The following SOD2 variants were observed in gnomAD, a reference collection of about 807,000 sequenced individuals.
SOD2 encodes the protein superoxide dismutase [Mn], mitochondrial.
Under a neutral mutation model 27.0 loss-of-function variants are expected in SOD2, and 11 were observed. The observed-to-expected ratio is 0.41, with a 90% CI of 0.26 to 0.67. SOD2 has a LOEUF of 0.67. Among genes scored for constraint, SOD2 ranks in the 30% least tolerant of loss-of-function variants. The pLI, the probability that SOD2 is intolerant of heterozygous loss-of-function variation, is 0.34. For synonymous variants in SOD2, 105 were observed against 103.0 expected, an observed-to-expected ratio of 1.02 and a Z score of -0.12; for missense variants, 250 against 274.5, an observed-to-expected ratio of 0.91 and a Z score of 0.63.
intron 1 of SOD2, among the ~76,000 whole-genome samples, chr6:159,739,746 A>G (rs1047810895): frequency 1.4e-5 from 2 of 147,516 alleles, no homozygotes; most frequent in African/African-American, 5.0e-5. Flanking sequence ...GCTAACACAG[A>G]TTTTGTTGTT....
At chr6:159,730,598 T>C (rs530543362), upstream of SOD2, among the ~76,000 whole-genome samples, 6 of 152,256 alleles carry the variant, frequency 3.9e-5, no homozygotes, top group East Asian at 1.2e-3. Context: ...TTTTGCCAGA[T>C]GGCGCATTTA....
intron 2 of SOD2, among the ~76,000 whole-genome samples, chr6:159,690,421 C>A (rs868654056): frequency 3.3e-5 from 5 of 151,820 alleles, no homozygotes; most frequent in Non-Finnish European, 7.4e-5. Context: ...CATAGTGTGA[C>A]CCCGTCTGTT....
At chr6:159,713,410 T>C (rs1211851934) in intron 1 of SOD2, 10 of 654,614 alleles carry the variant, frequency 1.5e-5, no homozygotes, top group Non-Finnish European at 2.2e-5. Context: ...CTGAGAGGGA[T>C]CATAGTAGGT....
chr6:159,726,334 G>A (rs1778168777), intron 1 of SOD2: 1 of 154,278 alleles, frequency 6.5e-6, no homozygotes, highest in Non-Finnish European at 1.4e-5. Flanking sequence ...ATTTTTGAGA[G>A]CTCTTGTGAT....
In SOD2 at chr6:159,761,947, G is replaced by A. The variant is rs775177847; in HGVS notation, c.-1246C>T. 49 of 990,584 alleles carry A rather than the reference G, an allele frequency of 4.9e-5. No individual in the cohort carries two copies. In the Admixed American group the frequency reaches 9.5e-4, roughly 19 times the overall value. 61.4% of individuals were successfully genotyped at this position (990,584 alleles called of 1,614,324 possible). On this transcript the variant is annotated 5_prime_UTR_variant, in exon 1 of 8. Coordinates refer to the SOD2 transcript ENST00000546087. ...CTTGCGCCTGCGCACAGTGGGATGC[G>A]CGGGGAGGTGGTGCGCGGGGAGGTG... is the stretch of plus-strand genomic sequence containing the variant.
intron 1 of SOD2, among the ~76,000 whole-genome samples, chr6:159,718,758 T>C (rs1416874810): frequency 2.0e-5 from 3 of 152,064 alleles, no homozygotes; most frequent in Non-Finnish European, 4.4e-5. Context: ...CAAACTAAGG[T>C]AAATAAATAA....
intron 1 of SOD2, among the ~76,000 whole-genome samples, chr6:159,710,979 A>G (rs564966843): frequency 8.4e-6 from 1 of 119,434 alleles, no homozygotes; most frequent in Admixed American, 8.1e-5. Flanking sequence ...AACCACCTCC[A>G]TAACCACCAC....
At chr6:159,708,740 G>A (rs1222261418) in intron 1 of SOD2, among the ~76,000 whole-genome samples, 1 of 152,164 alleles carries the variant, frequency 6.6e-6, no homozygotes, top group Non-Finnish European at 1.5e-5. Flanking sequence ...AGCTACCAAT[G>A]ACTTTCTTCA....
chr6:159,757,207 C>T (rs1228325720), intron 1 of SOD2, among the ~76,000 whole-genome samples: 1 of 152,122 alleles, frequency 6.6e-6, no homozygotes, highest in Admixed American at 6.5e-5. Flanking sequence ...AATTCCATTT[C>T]TGTTAAAAGC....
At chr6:159,688,023 C>CA in intron 3 of SOD2, 103 bp downstream of exon 3, 1 of 753,512 alleles carries the variant, frequency 1.3e-6, no homozygotes. Flanking sequence ...AAAAAAACAA[C>CA]AACAAAAAAA....
chr6:159,748,477 G>A (rs1779701263), upstream of SOD2: 3 of 1,506,998 alleles, frequency 2.0e-6, no homozygotes, highest in Non-Finnish European at 2.7e-6. The surrounding 1 kb of genome is among the most constrained non-coding windows in gnomAD (Gnocchi z 5.6). Context: ...CAGACTTTTT[G>A]AGCCAAAAAA....
Position 159,682,083 on chromosome 6 carries a change from G to A in SOD2, c.*410C>T, listed in dbSNP as rs5746134. On this transcript the variant is annotated 3_prime_UTR_variant, in exon 5 of 5. Transcript: ENST00000538183. The stretch of plus-strand genomic sequence containing the variant: ...AAAGTGCAATTTTCTATAGAAAGCC[G>A]AGTGTTTCCCTTGGGAAAGTGTTAA... The A allele has an allele frequency of 0.045, 6,865 of 153,914 alleles. 509 individuals carry two copies. Among genetic ancestry groups the A allele is most frequent in the African/African-American group, 0.16 (6,528 of 41,542 alleles). 9.5% of individuals were successfully genotyped at this position (153,914 alleles called of 1,614,324 possible).
chr6:159,733,870 C>A (rs563088696), intron 1 of SOD2, among the ~76,000 whole-genome samples: 1 of 152,110 alleles, frequency 6.6e-6, no homozygotes, highest in African/African-American at 2.4e-5. Flanking sequence ...GAGCCGAGAT[C>A]GCGCCGTTGC....
intron 4 of SOD2, among the ~76,000 whole-genome samples, chr6:159,683,449 C>T (rs941849647): frequency 6.6e-6 from 1 of 152,180 alleles, no homozygotes; most frequent in Non-Finnish European, 1.5e-5. Context: ...TGCGCCACTG[C>T]ACTCCAGCCT....
chr6:159,755,259 G>A, intron 1 of SOD2: 1 of 1,614,196 alleles, frequency 6.2e-7, no homozygotes, highest in East Asian at 2.2e-5. Context: ...CCAAGTAATG[G>A]TAGCTCCTCC....
In SOD2 at chr6:159,693,171, G is replaced by A. The variant is rs1279408208; in HGVS notation, c.-4C>T. On this transcript the variant is annotated 5_prime_UTR_variant, in exon 1 of 5. Transcript: ENST00000538183. ...CGCACACTGCCCGGCTCAACATGCT[G>A]CTAGTGCTGGTGCTACCGCTGATGC... The A allele has an allele frequency of 6.5e-7, 1 of 1,530,846 alleles. No homozygotes were observed. The highest frequency in any genetic ancestry group is 2.0e-4 in the Middle Eastern group (1 of 5,112). The allele number at this position is 1,530,846 out of a possible 1,614,324, so 94.8% of individuals were successfully genotyped here.
chr6:159,747,952 A>T (rs1779674018), upstream of SOD2, among the ~76,000 whole-genome samples: 1 of 152,190 alleles, frequency 6.6e-6, no homozygotes, highest in African/African-American at 2.4e-5. Context: ...CTACATAGTG[A>T]TGTTTCAATA....
At chr6:159,727,774 C>A (rs1159402584), upstream of SOD2, 1 of 971,388 alleles carries the variant, frequency 1.0e-6, no homozygotes, top group Admixed American at 6.2e-5. Flanking sequence ...GCGCAGCCGC[C>A]CCCGGCGGGT....
rs1380106660 is a variant in SOD2 at position 159,680,441 on chromosome 6, CTAA to C, written c.*2049_*2051del. ...ACACACCGCTTTGGTACTCTTGTCT[CTAA>C]TAATTTTTAAAGCCTACTTTTCTAA... On this transcript the variant is annotated 3_prime_UTR_variant, in exon 5 of 5. Transcript: ENST00000538183. 2.0e-5 allele frequency: 3 copies of C among 151,936 alleles called. No individual in the cohort carries two copies. Among genetic ancestry groups the C allele is most frequent in the Admixed American group, 6.6e-5 (1 of 15,238 alleles). The allele number at this position is 151,936 out of a possible 1,614,324, so 9.4% of individuals were successfully genotyped here. A position where few individuals can be genotyped will look rare whatever the true frequency, so the allele number is the denominator to read the frequency against.
Sources: gnomAD v4.1 joint callset for allele counts (sites outside exome capture counted in the v4.1 genomes callset) on GRCh38, gnomAD v4.1.1 for gene constraint, Gnocchi (gnomAD v3.1) non-coding constraint, MANE v1.5 for transcripts, NCBI Gene and HGNC (gene_info 2026-07-23, HGNC 2026-07-21) for gene names.